ZFAT: variants seen among roughly 807,000 people sequenced by gnomAD.
The protein encoded by ZFAT is zinc finger protein ZFAT.
Under a neutral mutation model 117.7 loss-of-function variants are expected in ZFAT, and 64 were observed. The ratio of observed to expected loss-of-function variants is 0.54; its 90% CI spans 0.44 to 0.67. The LOEUF (loss-of-function observed/expected upper bound fraction) is 0.67. ZFAT is among the 30% of genes least tolerant of loss of function. The probability of loss-of-function intolerance (pLI) is 0.00; values close to 1 mark genes in which losing one functional copy is unlikely to be tolerated. For missense variants in ZFAT, 1,433 were observed against 1,584.5 expected, an observed-to-expected ratio of 0.90 and a Z score of 1.62; for synonymous variants, 679 against 615.0, an observed-to-expected ratio of 1.10 and a Z score of -1.54.
Position 134,478,816 on chromosome 8 carries a change from C to G in ZFAT, c.3493-95G>C. The G allele has an allele frequency of 6.8e-7, 1 of 1,476,456 alleles. No individual in the cohort carries two copies. The highest frequency in any genetic ancestry group is 1.3e-5 in the South Asian group (1 of 75,620). 91.5% of individuals were successfully genotyped at this position (1,476,456 alleles called of 1,614,324 possible). On this transcript the variant is annotated intron_variant, in intron 15 of 15. Transcript: ENST00000377838. The surrounding 1 kb of genome is among the most constrained non-coding windows in gnomAD (Gnocchi z 5.2). ...AACTACAGTTTAGGAGGCACCAGTG[C>G]GCTGCGGGAGCACGTCCATTCTCCA...
intron 1 of ZFAT, among the ~76,000 whole-genome samples, chr8:134,661,688 C>T (rs1271227978): frequency 6.6e-6 from 1 of 152,180 alleles, no homozygotes; most frequent in Non-Finnish European, 1.5e-5. Context: ...GCCTGAGACA[C>T]AGATCTGCAG....
chr8:134,638,731 T>TA (rs71913883), intron 2 of ZFAT, among the ~76,000 whole-genome samples: 19,194 of 130,036 alleles, frequency 0.15, 1,398 homozygotes, highest in East Asian at 0.32. Flanking sequence ...CCATCTCAAA[T>TA]AAAAAAAAAA....
At chr8:134,692,168 A>G (rs191376499) in intron 1 of ZFAT, among the ~76,000 whole-genome samples, 124 of 152,330 alleles carry the variant, frequency 8.1e-4, no homozygotes, top group African/African-American at 2.9e-3. Flanking sequence ...CTCATTTTCT[A>G]GAAAAGGAAG....
chr8:134,749,518 A>G, the ZFAT span, among the ~76,000 whole-genome samples: 100 of 152,292 alleles, frequency 6.6e-4, no homozygotes, highest in Admixed American at 2.5e-3. Flanking sequence ...TCTTGAGGGT[A>G]GAGCCCTCAT....
the ZFAT span, chr8:134,766,712 A>G: frequency 6.6e-6 from 1 of 152,234 alleles, no homozygotes; most frequent in African/African-American, 2.4e-5. Context: ...CATATAATGT[A>G]CCAACAATGC....
At chr8:134,695,152 A>G (rs1366912768) in intron 1 of ZFAT, among the ~76,000 whole-genome samples, 3 of 151,994 alleles carry the variant, frequency 2.0e-5, no homozygotes, top group Admixed American at 1.3e-4. Context: ...GCTGCAGTGG[A>G]GGAGCTCACT....
intron 11 of ZFAT, among the ~76,000 whole-genome samples, chr8:134,538,947 T>C (rs1451369410): frequency 2.0e-5 from 3 of 152,098 alleles, no homozygotes; most frequent in African/African-American, 7.2e-5. Flanking sequence ...GTCACCACCA[T>C]AGTATGAGTA....
rs191236079 is a variant in ZFAT, at chr8:134,655,272, C to T, written c.196+2289G>A. 4.5e-3 allele frequency among the ~76,000 whole-genome samples: 680 copies of T among 152,302 alleles called. 4 individuals are homozygous for T. Among genetic ancestry groups the T allele is most frequent in the Admixed American group, 7.6e-3 (117 of 15,302 alleles). On this transcript the variant is annotated intron_variant, in intron 2 of 15. Transcript: ENST00000377838. ...TGGTTAGGCGTGGAAGGGTGGAAGT[C>T]GGAAAATGCACCTTACAACACTGAC...
intron 15 of ZFAT, among the ~76,000 whole-genome samples, chr8:134,502,847 G>A (rs1424888612): frequency 6.6e-6 from 1 of 152,232 alleles, no homozygotes; most frequent in African/African-American, 2.4e-5. Context: ...GTGCCCATGG[G>A]TCTGAGGCAG....
chr8:134,581,870 A>G (rs6577656), intron 10 of ZFAT, among the ~76,000 whole-genome samples: 72,592 of 152,100 alleles, frequency 0.48, 17,877 homozygotes, highest in Admixed American at 0.57. Flanking sequence ...GATTATAGGC[A>G]TGAGCCACTG....
chr8:134,597,189 C>CT (rs971658876), intron 7 of ZFAT, among the ~76,000 whole-genome samples: 151 of 144,980 alleles, frequency 1.0e-3, no homozygotes, highest in African/African-American at 2.6e-3. Flanking sequence ...GAAAGCAGAT[C>CT]TTTTTTTTTT....
At chr8:134,593,092 G>A (rs752623689) in intron 7 of ZFAT, among the ~76,000 whole-genome samples, 16 of 152,030 alleles carry the variant, frequency 1.1e-4, no homozygotes, top group South Asian at 4.1e-4. Flanking sequence ...GAGATGCCCC[G>A]GGTCAGGCGG....
At chr8:134,826,862 C>T in the ZFAT span, among the ~76,000 whole-genome samples, 3 of 152,102 alleles carry the variant, frequency 2.0e-5, no homozygotes, top group South Asian at 2.1e-4. Context: ...AGAAAATAAA[C>T]GGAACAGTTT....
the ZFAT span, among the ~76,000 whole-genome samples, chr8:134,736,300 C>G: frequency 6.6e-6 from 1 of 152,146 alleles, no homozygotes; most frequent in Non-Finnish European, 1.5e-5. Flanking sequence ...GCCCTTTCTT[C>G]GTGAGTTATA....
At chr8:134,489,098 G>T (rs1817866787) in intron 15 of ZFAT, among the ~76,000 whole-genome samples, 1 of 151,950 alleles carries the variant, frequency 6.6e-6, no homozygotes, top group African/African-American at 2.4e-5. Flanking sequence ...AGGAATTTTA[G>T]TTTTACTCTA....
the ZFAT span, among the ~76,000 whole-genome samples, chr8:134,810,496 C>T: frequency 2.6e-5 from 4 of 152,268 alleles, no homozygotes; most frequent in Non-Finnish European, 5.9e-5. Context: ...ATCCTCTTTA[C>T]AGACAAGTGA....
At position 134,479,844 on chromosome 8, in the gene ZFAT, T is replaced by C. The variant is rs374068124; in HGVS notation, c.3493-1123A>G. ...GTCTATTCATCTGTAAAACAGGGAC[T>C]AAAATGTGTTCTTCAGAGGATTCGT... On this transcript the variant is annotated intron_variant, in intron 15 of 15. Transcript: ENST00000377838. 2.0e-5 allele frequency among the ~76,000 whole-genome samples: 3 copies of C among 152,136 alleles called. No homozygotes were observed. The South Asian group carries it at 6.2e-4, about 32-fold the overall frequency.
chr8:134,549,268 C>G (rs936755192), intron 11 of ZFAT, among the ~76,000 whole-genome samples: 3 of 151,946 alleles, frequency 2.0e-5, no homozygotes, highest in African/African-American at 7.3e-5. Flanking sequence ...GGTGAAACCC[C>G]GTTTCTACTA....
chr8:134,732,388 G>C, the ZFAT span, among the ~76,000 whole-genome samples: 1 of 152,206 alleles, frequency 6.6e-6, no homozygotes, highest in Non-Finnish European at 1.5e-5. Context: ...GGGGAGACCA[G>C]AAGGCAGGCA....
Sources: gnomAD v4.1 joint callset for allele counts (sites outside exome capture counted in the v4.1 genomes callset) on GRCh38, gnomAD v4.1.1 for gene constraint, Gnocchi (gnomAD v3.1) non-coding constraint, MANE v1.5 for transcripts, NCBI Gene and HGNC (gene_info 2026-07-23, HGNC 2026-07-21) for gene names.